Variants in MEF2B observed in about 807,000 individuals in gnomAD.
MEF2B encodes myocyte enhancer factor 2B.
A neutral mutation model predicts 32.2 loss-of-function variants in MEF2B; 15 were observed. The observed-to-expected ratio is 0.47, with a 90% CI of 0.31 to 0.72. The LOEUF (loss-of-function observed/expected upper bound fraction) is 0.72, where lower values mean the gene tolerates loss of function less well. Among genes scored for constraint, MEF2B ranks in the 30% least tolerant of loss-of-function variants. The pLI is 0.05. For missense variants in MEF2B, 441 were observed against 511.5 expected, an observed-to-expected ratio of 0.86 and a Z score of 1.33; for synonymous variants, 205 against 225.6, an observed-to-expected ratio of 0.91 and a Z score of 0.82.
Position 19,147,037 on chromosome 19 carries a change from T to C in MEF2B, c.540A>G (p.Pro180=). Residue 180 remains proline, a splice_region_variant and synonymous_variant, in exon 5 of 9, where the codon CCA becomes CCG. Transcript: ENST00000424583. ...CCTGCCCCACTGTCCCATGCTCACC[T>C]GGGGGCCCGGCTTTGGGGGCTGCTG... ...FRPAAPKAGP[P]GLVHPLFSPS... 1 of 1,599,798 alleles carries C rather than the reference T, an allele frequency of 6.3e-7. No individual in the cohort carries two copies. The highest frequency in any genetic ancestry group is 8.5e-7 in the Non-Finnish European group (1 of 1,173,906).
chr19:19,155,751 C>T (rs2060115687), intron 1 of MEF2B, among the ~76,000 whole-genome samples: 1 of 152,254 alleles, frequency 6.6e-6, no homozygotes, highest in South Asian at 2.1e-4. Context: ...CAGACAGACC[C>T]TGGTGGCCCA....
intron 1 of MEF2B, among the ~76,000 whole-genome samples, chr19:19,167,130 C>G (rs2060215101): frequency 6.6e-6 from 1 of 151,976 alleles, no homozygotes; most frequent in African/African-American, 2.4e-5. Context: ...GCAGGTGGAT[C>G]ACCTGTGATC....
chr19:19,147,943 G>A, intron 3 of MEF2B, 111 bp from the exon 4 acceptor site: 13 of 1,468,156 alleles, frequency 8.9e-6, no homozygotes, highest in Non-Finnish European at 1.1e-5. Flanking sequence ...GAGTGGGGAG[G>A]AATGCAGGCA....
chr19:19,168,599 TG>T (rs1349785296), intron 1 of MEF2B, among the ~76,000 whole-genome samples: 19 of 149,498 alleles, frequency 1.3e-4, no homozygotes, highest in East Asian at 3.9e-4. Context: ...TCTTTCTTTT[TG>T]TTTTTCTTTT....
rs1276606033 is a variant in MEF2B at position 19,146,000 on chromosome 19, C to T, written c.904G>A (p.Glu302Lys). Residue 302 changes from glutamate (E) to lysine (K), a missense_variant, in exon 9 of 9, where the codon GAG becomes AAG. Glu to Lys is a moderately conservative substitution (Grantham distance 56). Coordinates refer to ENST00000424583, the MANE Select transcript of MEF2B (RefSeq NM_001145785.2). This position sits in a 1 kb window ranked among gnomAD's most constrained non-coding sequence, Gnocchi z 4.6. Reference protein sequence around the residue: ...QPSGGRSLGEEGPPTRGASPP... With the variant: ...QPSGGRSLGEKGPPTRGASPP... ...GAGGCGCCGCGGGTTGGGGGACCCT[C>T]CTCGCCCAGGCTTCGGCCCCCACTG... 2.1e-6 allele frequency: 3 copies of T among 1,432,290 alleles called. No homozygotes were observed. 88.7% of individuals were successfully genotyped at this position (1,432,290 alleles called of 1,614,324 possible). A position where few individuals can be genotyped will look rare whatever the true frequency, so the allele number is the denominator to read the frequency against.
rs377453711 is a variant in MEF2B at position 19,145,849 on chromosome 19, C to T, written c.1055G>A (p.Arg352Gln). The T allele has an allele frequency of 7.9e-5, 118 of 1,501,280 alleles. No individual in the cohort carries two copies. The highest frequency in any genetic ancestry group is 9.9e-5 in the Non-Finnish European group (111 of 1,122,364). The allele number at this position is 1,501,280 out of a possible 1,614,324, so 93.0% of individuals were successfully genotyped here. The stretch of plus-strand genomic sequence containing the variant: ...CAGCCGGCGCAGGGCGGGCCCAGGC[C>T]GCAGAGGCTCTGCCAGGGACCGGGC... ...LLARSLAEPL[R>Q]PGPALRRLPL... Residue 352 changes from arginine to glutamine, a missense_variant, in exon 9 of 9, where the codon CGG becomes CAG. Physicochemically the swap from Arg to Gln is conservative, Grantham distance 43. Coordinates refer to ENST00000424583, the MANE Select transcript of MEF2B (RefSeq NM_001145785.2). The surrounding 1 kb of genome is among the most constrained non-coding windows in gnomAD (Gnocchi z 4.6).
intron 1 of MEF2B, among the ~76,000 whole-genome samples, chr19:19,163,343 T>C (rs1278616412): frequency 6.6e-6 from 1 of 151,702 alleles, no homozygotes; most frequent in Non-Finnish European, 1.5e-5. Context: ...AGAGCCGGGG[T>C]CTCCCTGTGT....
chr19:19,154,693 C>T (rs1423503709), intron 1 of MEF2B, among the ~76,000 whole-genome samples: 1 of 152,190 alleles, frequency 6.6e-6, no homozygotes, highest in Non-Finnish European at 1.5e-5. Flanking sequence ...ATCCGCTGGC[C>T]TCAGCCTCCC....
At chr19:19,152,878 T>C (rs2060094616) in intron 1 of MEF2B, among the ~76,000 whole-genome samples, 1 of 152,196 alleles carries the variant, frequency 6.6e-6, no homozygotes, top group African/African-American at 2.4e-5. Context: ...CTGCCCTCTC[T>C]GGGCTGGGTC....
chr19:19,163,439 C>T (rs1008342566), intron 1 of MEF2B, among the ~76,000 whole-genome samples: 1 of 152,104 alleles, frequency 6.6e-6, no homozygotes, highest in Non-Finnish European at 1.5e-5. Context: ...TGTAAGCCAC[C>T]ACGCCCGGCC....
chr19:19,147,599 G>T, intron 4 of MEF2B, 99 bp downstream of exon 4: 2 of 1,546,026 alleles, frequency 1.3e-6, no homozygotes, highest in Non-Finnish European at 1.7e-6. Flanking sequence ...CAAACTCTAG[G>T]ATCCCTGGCT....
At chr19:19,163,562 T>C (rs2060183746) in intron 1 of MEF2B, among the ~76,000 whole-genome samples, 1 of 152,294 alleles carries the variant, frequency 6.6e-6, no homozygotes, top group South Asian at 2.1e-4. Context: ...GCCTAGTACA[T>C]AGAAGGCCCT....
chr19:19,164,222 C>G (rs2283620), intron 1 of MEF2B, among the ~76,000 whole-genome samples: 46,133 of 152,038 alleles, frequency 0.3, 7,141 homozygotes, highest in Admixed American at 0.34. Flanking sequence ...CCCACCTCAG[C>G]CTCCCAAAGT....
chr19:19,161,956 C>A (rs560524121), intron 1 of MEF2B, among the ~76,000 whole-genome samples: 3 of 151,476 alleles, frequency 2.0e-5, no homozygotes, highest in Non-Finnish European at 2.9e-5. Flanking sequence ...TACAGCCATG[C>A]GCTACCACAC....
At chr19:19,146,112 G>C in intron 8 of MEF2B, 90 bp from the exon 9 acceptor site, 1 of 1,148,564 alleles carries the variant, frequency 8.7e-7, no homozygotes, top group East Asian at 3.0e-5. Flanking sequence ...AGGCTTGGCA[G>C]GAGGACCCTG....
At chr19:19,166,295 C>T (rs1156355478) in intron 1 of MEF2B, among the ~76,000 whole-genome samples, 1 of 152,134 alleles carries the variant, frequency 6.6e-6, no homozygotes, top group East Asian at 1.9e-4. Flanking sequence ...TCCTGGGCCG[C>T]AGGGTATCAG....
chr19:19,147,829 G>T lies in MEF2B; in HGVS notation c.262C>A (p.Leu88Met), dbSNP rs1181490063. 6.2e-7 allele frequency: 1 copy of T among 1,613,028 alleles called. No homozygotes were observed. The highest frequency in any genetic ancestry group is 8.5e-7 in the Non-Finnish European group (1 of 1,179,820). ...SRTNTDILET[L>M]KRRGIGLDGP... is the part of the protein sequence containing the mutation. ...TCGAGGCCAATGCCCCTCCGCTTCA[G>T]CGTCTATGGGGACAGGAGACAACAG... The change falls in exon 4 of 9, where the codon CTG becomes ATG. Residue 88 changes from leucine (L) to methionine (M), a missense_variant. Leu to Met is a conservative substitution (Grantham distance 15). This residue lies in a region of MEF2B where 115 missense variants were observed against 183.1 expected (regional missense o/e 0.63). Transcript: ENST00000424583.
At chr19:19,164,552 G>T (rs1211324259) in intron 1 of MEF2B, among the ~76,000 whole-genome samples, 2 of 152,214 alleles carry the variant, frequency 1.3e-5, no homozygotes, top group African/African-American at 4.8e-5. Context: ...GGTGGCTCAC[G>T]CCTGTAATCC....
intron 1 of MEF2B, among the ~76,000 whole-genome samples, chr19:19,157,849 AAAAAAAC>A (rs1285118290): frequency 2.0e-5 from 3 of 152,216 alleles, no homozygotes; most frequent in African/African-American, 7.2e-5. Flanking sequence ...CTCTGTGTCA[AAAAAAAC>A]AAAAAACAAA....
Sources: allele counts gnomAD v4.1 joint callset (sites outside exome capture counted in the v4.1 genomes callset), GRCh38; gene constraint gnomAD v4.1.1; regional missense constraint gnomAD v4.1.1; non-coding constraint Gnocchi (gnomAD v3.1); transcripts MANE v1.5; gene names NCBI Gene and HGNC (gene_info 2026-07-23, HGNC 2026-07-21).